Variants in SAMD5 observed in about 807,000 individuals in gnomAD.
SAMD5 encodes the protein sterile alpha motif domain-containing protein 5.
Under a neutral mutation model 11.3 loss-of-function variants are expected in SAMD5, and 13 were observed. The observed-to-expected ratio is 1.15, with a 90% CI of 0.75 to 1.83. The LOEUF is 1.83. SAMD5 is among the 40% of genes most tolerant of loss of function. The pLI is 0.00. For synonymous variants in SAMD5, 129 were observed against 111.3 expected (o/e 1.16, Z -1.00); for missense variants, 255 against 239.1 (o/e 1.07, Z -0.44).
chr6:147,835,652 C>T, the SAMD5 span, among the ~76,000 whole-genome samples: 1 of 152,160 alleles, frequency 6.6e-6, no homozygotes, highest in Non-Finnish European at 1.5e-5. Flanking sequence ...CCCTCTTCTG[C>T]CCCATATCAC....
At chr6:147,807,913 A>G in the SAMD5 span, among the ~76,000 whole-genome samples, 1 of 152,246 alleles carries the variant, frequency 6.6e-6, no homozygotes, top group East Asian at 1.9e-4. Flanking sequence ...CTTCTGTTAG[A>G]TAGTATCTAA....
chr6:147,906,039 T>C, the SAMD5 span, among the ~76,000 whole-genome samples: 1 of 152,252 alleles, frequency 6.6e-6, no homozygotes, highest in Non-Finnish European at 1.5e-5. Context: ...GGACAGTTTA[T>C]AAATTATAAA....
Position 147,569,574 on chromosome 6 carries a change from G to C in SAMD5, c.*5118G>C. 1.0e-6 allele frequency: 1 copy of C among 969,360 alleles called. No individual in the cohort carries two copies. Among genetic ancestry groups the C allele is most frequent in the Non-Finnish European group, 1.2e-6 (1 of 815,270 alleles). 60.0% of individuals were successfully genotyped at this position (969,360 alleles called of 1,614,324 possible). On this transcript the variant is annotated 3_prime_UTR_variant, in exon 2 of 2. Coordinates refer to ENST00000367474, the MANE Select transcript of SAMD5 (RefSeq NM_001030060.3). ...AATTATCCCTTATCATTCCAAAAAT[G>C]AAATGCTGTGTTAAATATCTCCAGG...
the SAMD5 span, among the ~76,000 whole-genome samples, chr6:147,796,642 A>G: frequency 1.3e-5 from 2 of 152,164 alleles, no homozygotes; most frequent in African/African-American, 2.4e-5. Flanking sequence ...CATTGAATCT[A>G]TAAATTACCT....
the SAMD5 span, among the ~76,000 whole-genome samples, chr6:147,796,382 T>A: frequency 6.6e-6 from 1 of 152,128 alleles, no homozygotes; most frequent in Non-Finnish European, 1.5e-5. Context: ...GTTGTAGATA[T>A]GTGGCATTAT....
chr6:147,567,196 A>G lies in SAMD5; in HGVS notation c.*2740A>G, dbSNP rs1317626265. Reference sequence around the variant, plus strand: ...TTGGCATAGGGAAGGCGTAATGTTAAGGGCTTCTTCCTTACCCAAGTGGGA... The same window carrying G: ...TTGGCATAGGGAAGGCGTAATGTTAGGGGCTTCTTCCTTACCCAAGTGGGA... On this transcript the variant is annotated 3_prime_UTR_variant, in exon 2 of 2. Coordinates refer to ENST00000367474, the MANE Select transcript of SAMD5 (RefSeq NM_001030060.3). 4.1e-6 allele frequency: 4 copies of G among 985,312 alleles called. No individual in the cohort carries two copies. In the Admixed American group the frequency reaches 2.5e-4, roughly 61 times the overall value. 61.0% of individuals were successfully genotyped at this position (985,312 alleles called of 1,614,324 possible). A position where few individuals can be genotyped will look rare whatever the true frequency, so the allele number is the denominator to read the frequency against.
chr6:147,859,595 A>G, the SAMD5 span, among the ~76,000 whole-genome samples: 2 of 152,220 alleles, frequency 1.3e-5, no homozygotes, highest in Admixed American at 1.3e-4. Flanking sequence ...TAAACTTTGT[A>G]AATATTCATT....
the SAMD5 span, among the ~76,000 whole-genome samples, chr6:147,824,599 A>G: frequency 6.6e-6 from 1 of 152,308 alleles, no homozygotes; most frequent in African/African-American, 2.4e-5. Context: ...GGGTAAAAAA[A>G]GAGGAAAAAT....
At chr6:147,532,042 A>T (rs1297292224) in intron 1 of SAMD5, among the ~76,000 whole-genome samples, 2 of 152,222 alleles carry the variant, frequency 1.3e-5, no homozygotes, top group Non-Finnish European at 2.9e-5. Flanking sequence ...CGTAGACATT[A>T]CCAGAAAACA....
intron 1 of SAMD5, among the ~76,000 whole-genome samples, chr6:147,579,566 A>G (rs1290793696): frequency 6.7e-6 from 1 of 148,426 alleles, no homozygotes; most frequent in African/African-American, 2.5e-5. Context: ...CCCAAGTTCA[A>G]GCAATTCTCC....
At position 147,610,073 on chromosome 6, in the gene SAMD5, TAAAC is replaced by T. The variant is rs1358480779; in HGVS notation, c.162+100689_162+100692del. Reference sequence around the variant, plus strand: ...ACATTATGCTGTGTGCTGTGCTCTATAAACAATGAACATAATTTTCTCACTTATG... The same window carrying T: ...ACATTATGCTGTGTGCTGTGCTCTATAATGAACATAATTTTCTCACTTATG... On this transcript the variant is annotated intron_variant, in intron 1 of 1. Transcript: ENST00000566741. Among the ~76,000 whole-genome samples, 6 of 152,188 alleles carry T rather than the reference TAAAC, an allele frequency of 3.9e-5. No homozygotes were observed. In the East Asian group the frequency reaches 1.2e-3, roughly 29 times the overall value.
rs2087589924 is a variant in SAMD5 at position 147,569,792 on chromosome 6, C to T, written c.*5336C>T. On this transcript the variant is annotated 3_prime_UTR_variant, in exon 2 of 2. Coordinates refer to ENST00000367474, the MANE Select transcript of SAMD5 (RefSeq NM_001030060.3). ...AATCTACATGTGTATATCTGAGTAGCGAAGCACAGATTCACTCTAATTGAA... is the reference window on the plus strand; with the variant it reads ...AATCTACATGTGTATATCTGAGTAGTGAAGCACAGATTCACTCTAATTGAA... 1.1e-5 allele frequency: 11 copies of T among 985,152 alleles called. No homozygotes were observed. The highest frequency in any genetic ancestry group is 6.2e-5 in the Admixed American group (1 of 16,260). 61.0% of individuals were successfully genotyped at this position (985,152 alleles called of 1,614,324 possible).
chr6:147,707,957 G>T (rs896291212), intron 1 of SAMD5, among the ~76,000 whole-genome samples: 1 of 152,112 alleles, frequency 6.6e-6, no homozygotes, highest in Non-Finnish European at 1.5e-5. Flanking sequence ...AAAAGATCCA[G>T]AATATTCACT....
intron 1 of SAMD5, among the ~76,000 whole-genome samples, chr6:147,644,924 G>A (rs1430369151): frequency 1.3e-5 from 2 of 152,186 alleles, no homozygotes; most frequent in Non-Finnish European, 2.9e-5. Context: ...TAGGGACGCT[G>A]AATTTTGAGT....
At chr6:147,828,006 T>C in the SAMD5 span, among the ~76,000 whole-genome samples, 7,206 of 151,902 alleles carry the variant, frequency 0.047, 203 homozygotes, top group African/African-American at 0.054. Flanking sequence ...TGCCGTGGTC[T>C]CGATCTCCTG....
intron 1 of SAMD5, among the ~76,000 whole-genome samples, chr6:147,510,173 C>G (rs969882574): frequency 4.6e-5 from 7 of 152,074 alleles, no homozygotes; most frequent in African/African-American, 1.7e-4. Flanking sequence ...AGAGGAGGAC[C>G]GAGCACAAGT....
At chr6:147,582,326 C>A (rs13197586) in intron 1 of SAMD5, among the ~76,000 whole-genome samples, 2,920 of 101,162 alleles carry the variant, frequency 0.029, 49 homozygotes, top group Non-Finnish European at 0.042. Flanking sequence ...GAGATCCGCA[C>A]CCCCCCACCA....
At chr6:147,922,931 G>A in the SAMD5 span, among the ~76,000 whole-genome samples, 3 of 152,128 alleles carry the variant, frequency 2.0e-5, no homozygotes, top group Admixed American at 6.6e-5. Flanking sequence ...ATCTTCAAGT[G>A]TAAACACATT....
At chr6:147,918,827 C>T in the SAMD5 span, among the ~76,000 whole-genome samples, 1 of 151,282 alleles carries the variant, frequency 6.6e-6, no homozygotes, top group Admixed American at 6.6e-5. Flanking sequence ...CCTCCCGAGT[C>T]CTGAGTAGCT....
Sources: allele counts gnomAD v4.1 joint callset (sites outside exome capture counted in the v4.1 genomes callset), GRCh38; gene constraint gnomAD v4.1.1; transcripts MANE v1.5; gene names NCBI Gene and HGNC (gene_info 2026-07-23, HGNC 2026-07-21).